TENM3: variants seen among roughly 807,000 people sequenced by gnomAD.
TENM3 encodes the protein teneurin-3.
A neutral mutation model predicts 255.1 loss-of-function variants in TENM3; 63 were observed. The observed-to-expected ratio is 0.25, with a 90% confidence interval of 0.20 to 0.30. The LOEUF (loss-of-function observed/expected upper bound fraction) is 0.30. TENM3 is among the 10% of genes least tolerant of loss of function. The pLI is 1.00. For missense variants in TENM3, 2,929 were observed against 3,461.1 expected, an observed-to-expected ratio of 0.85 and a Z score of 3.86; for synonymous variants, 1,306 against 1,322.3, an observed-to-expected ratio of 0.99 and a Z score of 0.27.
At chr4:182,169,196 C>T (rs1579583163) in intron 1 of TENM3, 2 of 457,718 alleles carry the variant, frequency 4.4e-6, no homozygotes, top group East Asian at 1.4e-4. Context: ...AATTCATAAA[C>T]CAAGTGATTT....
chr4:181,456,035 T>C, the TENM3 span, among the ~76,000 whole-genome samples: 15 of 152,016 alleles, frequency 9.9e-5, no homozygotes, highest in South Asian at 3.1e-3. Flanking sequence ...TCATTAATTA[T>C]TGTTCCCAAC....
At chr4:181,917,069 A>G in the TENM3 span, among the ~76,000 whole-genome samples, 1 of 152,116 alleles carries the variant, frequency 6.6e-6, no homozygotes, top group African/African-American at 2.4e-5. Context: ...TATCCTATGC[A>G]TTCTTTATAG....
intron 24 of TENM3, among the ~76,000 whole-genome samples, chr4:182,781,624 G>GT (rs1765174388): frequency 6.6e-6 from 1 of 151,290 alleles, no homozygotes; most frequent in Admixed American, 6.6e-5. Context: ...GTTTCAGAAG[G>GT]AATGGTACCA....
chr4:181,501,669 C>T, the TENM3 span, among the ~76,000 whole-genome samples: 5 of 152,178 alleles, frequency 3.3e-5, no homozygotes, highest in African/African-American at 7.2e-5. Flanking sequence ...TGAGCCAACA[C>T]GCCCAGCCAG....
intron 1 of TENM3, among the ~76,000 whole-genome samples, chr4:182,265,073 G>C (rs1759157601): frequency 6.6e-6 from 1 of 151,706 alleles, no homozygotes; most frequent in South Asian, 2.1e-4. Flanking sequence ...ACTCCGTTTT[G>C]GGAAAAAACC....
rs766414090 is a variant in TENM3, at chr4:182,161,959, GTATATATATATATA to G, written c.-76+17229_-76+17242del. Among the ~76,000 whole-genome samples the G allele has an allele frequency of 7.3e-3, 118 of 16,262 alleles. 8 individuals are homozygous for G. The highest frequency in any genetic ancestry group is 0.045 in the Middle Eastern group (1 of 22). 10.7% of individuals were successfully genotyped at this position (16,262 alleles called of 152,430 possible). On this transcript the variant is annotated intron_variant, in intron 1 of 2. Transcript: ENST00000512480. Reference sequence around the variant, plus strand: ...CATATATATATTTGTGTGTGTGTGTGTATATATATATATATATATATATATATATATATATATGA... The same window carrying G: ...CATATATATATTTGTGTGTGTGTGTGTATATATATATATATATATATATGA...
the TENM3 span, among the ~76,000 whole-genome samples, chr4:181,844,995 A>C: frequency 6.6e-6 from 1 of 152,238 alleles, no homozygotes; most frequent in Non-Finnish European, 1.5e-5. Flanking sequence ...GTGTTATTTA[A>C]GCTAATGTAC....
chr4:182,089,851 A>G, the TENM3 span, among the ~76,000 whole-genome samples: 5 of 152,190 alleles, frequency 3.3e-5, no homozygotes, highest in African/African-American at 1.2e-4. Context: ...AGATTTTACC[A>G]ATGCTACCAA....
the TENM3 span, among the ~76,000 whole-genome samples, chr4:181,613,757 C>T: frequency 6.6e-6 from 1 of 152,138 alleles, no homozygotes; most frequent in Admixed American, 6.5e-5. Context: ...GATTGGGGGG[C>T]CCCTTTCAGG....
At chr4:182,394,725 G>T (rs1269789827) in intron 3 of TENM3, among the ~76,000 whole-genome samples, 1 of 152,068 alleles carries the variant, frequency 6.6e-6, no homozygotes, top group Admixed American at 6.5e-5. Context: ...CTTGATTTTA[G>T]CCTTCAGATA....
At chr4:182,214,496 T>C (rs1755300445) in intron 1 of TENM3, among the ~76,000 whole-genome samples, 1 of 149,836 alleles carries the variant, frequency 6.7e-6, no homozygotes, top group Non-Finnish European at 1.5e-5. Flanking sequence ...CTTTAGGAGC[T>C]TACATTCTAT....
Position 182,755,350 on chromosome 4 carries a change from T to G in TENM3, c.4892+91T>G, listed in dbSNP as rs529530384. On this transcript the variant is annotated intron_variant, in intron 22 of 27. Coordinates refer to ENST00000511685, the MANE Select transcript of TENM3 (RefSeq NM_001080477.4). ...CAATATAATCTTAAGAGCTGGAGGATTCCATGTTTTTGAGAGTCTAGAGCT... is the reference window on the plus strand; with the variant it reads ...CAATATAATCTTAAGAGCTGGAGGAGTCCATGTTTTTGAGAGTCTAGAGCT... 72 of 1,231,910 alleles carry G rather than the reference T, an allele frequency of 5.8e-5. No individual in the cohort carries two copies. The South Asian group carries it at 7.2e-4, about 12-fold the overall frequency. The allele number at this position is 1,231,910 out of a possible 1,614,324, so 76.3% of individuals were successfully genotyped here.
intron 3 of TENM3, among the ~76,000 whole-genome samples, chr4:182,515,879 T>C (rs1253667433): frequency 6.6e-6 from 1 of 152,222 alleles, no homozygotes; most frequent in Non-Finnish European, 1.5e-5. Context: ...CATTTTACAT[T>C]AGAAAACCTT....
At position 182,164,997 on chromosome 4, in the gene TENM3, G is replaced by C. The variant is rs1751610237; in HGVS notation, c.-76+20243G>C. On this transcript the variant is annotated intron_variant, in intron 1 of 2. Coordinates refer to the TENM3 transcript ENST00000512480. The stretch of plus-strand genomic sequence containing the variant: ...ATAGCTACATCTTAGAATCACCAGG[G>C]AGCTTGCAGAGAACACTAATGCCAG... Among the ~76,000 whole-genome samples, 4 of 152,150 alleles carry C rather than the reference G, an allele frequency of 2.6e-5. No homozygotes were observed. In the South Asian group the frequency reaches 8.3e-4, roughly 32 times the overall value.
upstream of TENM3, among the ~76,000 whole-genome samples, chr4:182,139,650 AAG>A (rs1160085195): frequency 6.6e-6 from 1 of 152,232 alleles, no homozygotes; most frequent in Non-Finnish European, 1.5e-5. Flanking sequence ...ATAATGTAGC[AAG>A]TTTTAAATAC....
At chr4:181,726,787 C>G in the TENM3 span, among the ~76,000 whole-genome samples, 1 of 152,182 alleles carries the variant, frequency 6.6e-6, no homozygotes, top group Non-Finnish European at 1.5e-5. Flanking sequence ...GATCACCCCC[C>G]ACTTCCAAAT....
chr4:182,509,598 G>A (rs748653372), intron 3 of TENM3, among the ~76,000 whole-genome samples: 11 of 152,090 alleles, frequency 7.2e-5, no homozygotes, highest in African/African-American at 1.9e-4. Context: ...AACAAATGCC[G>A]TGTCTAAGAA....
intron 3 of TENM3, among the ~76,000 whole-genome samples, chr4:182,369,747 G>C (rs1766671013): frequency 6.6e-6 from 1 of 152,136 alleles, no homozygotes; most frequent in East Asian, 1.9e-4. Flanking sequence ...TGGGCGTGGT[G>C]GCAGGTGCCT....
At chr4:182,662,100 T>A (rs1284790688) in intron 6 of TENM3, among the ~76,000 whole-genome samples, 1 of 152,212 alleles carries the variant, frequency 6.6e-6, no homozygotes, top group African/African-American at 2.4e-5. Context: ...TGTTTTTCAG[T>A]TCAAAGTACT....
Sources: gnomAD v4.1 joint callset for allele counts (sites outside exome capture counted in the v4.1 genomes callset) on GRCh38, gnomAD v4.1.1 for gene constraint, MANE v1.5 for transcripts, NCBI Gene and HGNC (gene_info 2026-07-23, HGNC 2026-07-21) for gene names.